The following COL5A2 variants were observed in gnomAD, a reference collection of about 807,000 sequenced individuals.
The protein encoded by COL5A2 is collagen alpha-2(V) chain.
COL5A2 carries 23 observed loss-of-function variants against 208.2 expected under a neutral mutation model. The observed-to-expected ratio is 0.11, with a 90% CI of 0.08 to 0.16. The LOEUF is 0.16. COL5A2 is among the 10% of genes least tolerant of loss of function. The pLI is 1.00. For missense variants in COL5A2, 1,590 were observed against 1,956.4 expected, an observed-to-expected ratio of 0.81 and a Z score of 3.53; for synonymous variants, 625 against 628.5, an observed-to-expected ratio of 0.99 and a Z score of 0.08.
At chr2:189,081,117 TC>T in intron 12 of COL5A2, 74 bp from the exon 13 acceptor site, 1 of 1,233,456 alleles carries the variant, frequency 8.1e-7, no homozygotes, top group Admixed American at 1.7e-5. Context: ...TATCATTTTT[TC>T]CCAAAAAATA....
rs117581391 is a variant in COL5A2 at position 189,104,120 on chromosome 2, T to C, written c.336+144A>G. On this transcript the variant is annotated intron_variant, in intron 3 of 53. Transcript: ENST00000374866. ...TCCTTTGGAAACACAGTAGCTGAACTGTGCTTATATACTTGTCACAATGTA... is the reference window on the plus strand; with the variant it reads ...TCCTTTGGAAACACAGTAGCTGAACCGTGCTTATATACTTGTCACAATGTA... The C allele has an allele frequency of 2.2e-4, 150 of 671,068 alleles. No individual in the cohort carries two copies. The East Asian group carries it at 3.9e-3, about 17-fold the overall frequency. The allele number at this position is 671,068 out of a possible 1,614,324, so 41.6% of individuals were successfully genotyped here.
chr2:189,377,818 T>C, the COL5A2 span, among the ~76,000 whole-genome samples: 57 of 152,214 alleles, frequency 3.7e-4, no homozygotes, highest in Non-Finnish European at 6.3e-4. Context: ...GTTACAAGCA[T>C]GATTATTTGT....
At chr2:189,366,011 C>T in the COL5A2 span, among the ~76,000 whole-genome samples, 2 of 152,242 alleles carry the variant, frequency 1.3e-5, no homozygotes, top group East Asian at 1.9e-4. Context: ...CCTATGATTG[C>T]CTACACTTTC....
chr2:189,337,327 C>T, the COL5A2 span, among the ~76,000 whole-genome samples: 4 of 150,228 alleles, frequency 2.7e-5, no homozygotes, highest in Admixed American at 6.6e-5. Flanking sequence ...GGACTACAGG[C>T]GCCCGCCACT....
the COL5A2 span, among the ~76,000 whole-genome samples, chr2:189,414,319 AT>A: frequency 1.3e-5 from 2 of 152,192 alleles, no homozygotes; most frequent in Non-Finnish European, 2.9e-5. Context: ...CATTTTCCTA[AT>A]TGTAACATAA....
chr2:189,402,235 T>C, the COL5A2 span, among the ~76,000 whole-genome samples: 3 of 152,240 alleles, frequency 2.0e-5, no homozygotes, highest in African/African-American at 4.8e-5. Flanking sequence ...TTGTTTGTTT[T>C]TGAGATGGAG....
intron 30 of COL5A2, 106 bp downstream of exon 30, chr2:189,061,456 T>C (rs1311109445): frequency 3.3e-6 from 3 of 901,986 alleles, no homozygotes; most frequent in Non-Finnish European, 5.4e-6. Flanking sequence ...GGGATGACTT[T>C]TTGAAAATTG....
the COL5A2 span, among the ~76,000 whole-genome samples, chr2:189,263,435 A>C: frequency 2.6e-4 from 40 of 152,310 alleles, no homozygotes; most frequent in South Asian, 1.7e-3. Context: ...CCATACGTTT[A>C]TAATGGAGCT....
At chr2:189,086,634 G>T (rs1686669147) in intron 9 of COL5A2, 92 bp downstream of exon 9, 9 of 1,008,116 alleles carry the variant, frequency 8.9e-6, no homozygotes, top group Non-Finnish European at 1.2e-5. Context: ...TTTAAAACCA[G>T]CCAAAAGCAG....
the COL5A2 span, among the ~76,000 whole-genome samples, chr2:189,272,983 C>T: frequency 6.6e-6 from 1 of 152,090 alleles, no homozygotes; most frequent in Non-Finnish European, 1.5e-5. Flanking sequence ...CCTCTACCAT[C>T]CACAAACTAA....
At chr2:189,262,090 A>G in the COL5A2 span, among the ~76,000 whole-genome samples, 2 of 152,186 alleles carry the variant, frequency 1.3e-5, no homozygotes, top group Non-Finnish European at 2.9e-5. Context: ...AATTCAAAAG[A>G]AAATTTCAAA....
upstream of COL5A2, among the ~76,000 whole-genome samples, chr2:189,228,803 C>T (rs191939896): frequency 3.7e-4 from 56 of 151,834 alleles, no homozygotes; most frequent in African/African-American, 1.2e-3. Context: ...ACTTTGAAAC[C>T]CGTTTTATGA....
chr2:189,268,965 T>C, the COL5A2 span, among the ~76,000 whole-genome samples: 1 of 152,068 alleles, frequency 6.6e-6, no homozygotes, highest in Admixed American at 6.6e-5. Flanking sequence ...CTCTAAAACT[T>C]TGTAATACTC....
At chr2:189,160,822 T>C (rs894229697) in intron 1 of COL5A2, among the ~76,000 whole-genome samples, 2 of 150,758 alleles carry the variant, frequency 1.3e-5, no homozygotes, top group African/African-American at 4.9e-5. Flanking sequence ...TTTTCTTTTC[T>C]TTTTCCTTTT....
the COL5A2 span, among the ~76,000 whole-genome samples, chr2:189,334,501 A>T: frequency 5.1e-4 from 78 of 152,144 alleles, no homozygotes; most frequent in Non-Finnish European, 9.4e-4. Flanking sequence ...ATGGCATTTT[A>T]AAAATTACAT....
chr2:189,393,062 GAA>G, the COL5A2 span, among the ~76,000 whole-genome samples: 1 of 152,190 alleles, frequency 6.6e-6, no homozygotes, highest in East Asian at 1.9e-4. Flanking sequence ...AACAAGTAGT[GAA>G]AATAATTTAT....
the COL5A2 span, among the ~76,000 whole-genome samples, chr2:189,425,852 T>TC: frequency 6.6e-6 from 1 of 152,036 alleles, no homozygotes; most frequent in Admixed American, 6.6e-5. Context: ...GATGCCTCAC[T>TC]CCCCCTTTGC....
At chr2:189,098,079 T>C (rs1686959888) in intron 5 of COL5A2, among the ~76,000 whole-genome samples, 1 of 152,070 alleles carries the variant, frequency 6.6e-6, no homozygotes, top group Admixed American at 6.5e-5. Context: ...TTTGTTTCTC[T>C]TTAAAAGAGG....
chr2:189,400,951 T>C, the COL5A2 span, among the ~76,000 whole-genome samples: 3 of 152,242 alleles, frequency 2.0e-5, no homozygotes, highest in South Asian at 2.1e-4. Context: ...ACTAAAATGA[T>C]TGCAGATTGT....
Sources: allele counts gnomAD v4.1 joint callset (sites outside exome capture counted in the v4.1 genomes callset), GRCh38; gene constraint gnomAD v4.1.1; transcripts MANE v1.5; gene names NCBI Gene and HGNC (gene_info 2026-07-23, HGNC 2026-07-21).